Variants in SLC1A2 observed in about 807,000 individuals in gnomAD.
SLC1A2 encodes the protein solute carrier family 1 member 2.
SLC1A2 carries 15 observed loss-of-function variants against 48.8 expected under a neutral mutation model. The observed-to-expected ratio is 0.31, with a 90% CI of 0.21 to 0.47. SLC1A2 has a LOEUF of 0.47. Ranked by LOEUF, SLC1A2 falls within the 20% of genes least tolerant of loss-of-function variation. SLC1A2 has a pLI of 0.99. For synonymous variants in SLC1A2, 279 were observed against 272.6 expected (o/e 1.02, Z -0.23); for missense variants, 502 against 730.5 (o/e 0.69, Z 3.61).
intron 8 of SLC1A2, among the ~76,000 whole-genome samples, chr11:35,285,051 T>C (rs577583574): frequency 6.6e-6 from 1 of 152,192 alleles, no homozygotes; most frequent in East Asian, 1.9e-4. Context: ...CTGCCCGGGG[T>C]TTGAAGTGGG....
chr11:35,364,493 T>C (rs1210755851), intron 1 of SLC1A2, among the ~76,000 whole-genome samples: 2 of 152,258 alleles, frequency 1.3e-5, no homozygotes, highest in Admixed American at 6.5e-5. Flanking sequence ...TGAATGTAAC[T>C]ATCTACCTAA....
chr11:35,294,511 A>G (rs1009531123), intron 6 of SLC1A2, among the ~76,000 whole-genome samples: 12 of 152,196 alleles, frequency 7.9e-5, no homozygotes, highest in Non-Finnish European at 1.8e-4. Context: ...ATTCATTGAG[A>G]CTGTAAATAA....
chr11:35,288,916 T>C (rs1300374789), intron 7 of SLC1A2, among the ~76,000 whole-genome samples: 3 of 152,100 alleles, frequency 2.0e-5, no homozygotes, highest in African/African-American at 7.2e-5. Flanking sequence ...GACAGGCTTT[T>C]TGTCTTAAAA....
In SLC1A2 at chr11:35,317,691, G is replaced by A. The variant is rs566366234; in HGVS notation, c.18-175C>T. Among the ~76,000 whole-genome samples, 3 of 152,312 alleles carry A rather than the reference G, an allele frequency of 2.0e-5. No homozygotes were observed. The South Asian group carries it at 6.2e-4, about 32-fold the overall frequency. ...TAAGCAGGACAGGAGGACACACTGA[G>A]AACTGATGTGGATCCTCCCAGTAAA... On this transcript the variant is annotated intron_variant, in intron 1 of 10. Coordinates refer to ENST00000278379, the MANE Select transcript of SLC1A2 (RefSeq NM_004171.4).
At chr11:35,308,910 T>C (rs1851596722) in intron 4 of SLC1A2, among the ~76,000 whole-genome samples, 1 of 152,186 alleles carries the variant, frequency 6.6e-6, no homozygotes. Context: ...ACCCTATCTA[T>C]ATCCTTAGCT....
chr11:35,300,489 G>A (rs138443405), intron 6 of SLC1A2, among the ~76,000 whole-genome samples: 2 of 152,188 alleles, frequency 1.3e-5, no homozygotes, highest in African/African-American at 4.8e-5. Context: ...AAAGATGCTC[G>A]AGGGAGCCTG....
rs76997383 is a variant in SLC1A2, at chr11:35,355,015, A to C, written c.18-37499T>G. On this transcript the variant is annotated intron_variant, in intron 1 of 10. Coordinates refer to ENST00000278379, the MANE Select transcript of SLC1A2 (RefSeq NM_004171.4). The stretch of plus-strand genomic sequence containing the variant: ...TCCCTTATCCCAATGCTGTTATAAA[A>C]TCAATGGAAACTCCTATAAATGATT... 2.5e-3 allele frequency among the ~76,000 whole-genome samples: 385 copies of C among 152,354 alleles called. 2 individuals carry two copies. The highest frequency in any genetic ancestry group is 4.4e-3 in the Non-Finnish European group (301 of 68,032).
At chr11:35,317,927 G>A (rs181655226) in intron 1 of SLC1A2, among the ~76,000 whole-genome samples, 2 of 152,268 alleles carry the variant, frequency 1.3e-5, no homozygotes, top group African/African-American at 4.8e-5. Flanking sequence ...ACTTTTTCAG[G>A]AGAGTCATAC....
At chr11:35,355,353 C>A (rs1430493131) in intron 1 of SLC1A2, among the ~76,000 whole-genome samples, 1 of 152,216 alleles carries the variant, frequency 6.6e-6, no homozygotes, top group African/African-American at 2.4e-5. Flanking sequence ...ACCCTTCACA[C>A]CCTCCTACTG....
intron 10 of SLC1A2, among the ~76,000 whole-genome samples, chr11:35,264,319 T>C (rs1419017158): frequency 6.6e-6 from 1 of 152,228 alleles, no homozygotes. Flanking sequence ...GTATTTGTAA[T>C]GACCCAGAAG....
rs1382040334 is a variant in SLC1A2 at position 35,332,357 on chromosome 11, G to A, written c.18-14841C>T. On this transcript the variant is annotated intron_variant, in intron 1 of 10. Coordinates refer to ENST00000278379, the MANE Select transcript of SLC1A2 (RefSeq NM_004171.4). ...TCATCCCAAGTGCCTTGGAAGAAAG[G>A]CTTGTTCCTGCTCAACTCGTAAAGT... 2.6e-5 allele frequency among the ~76,000 whole-genome samples: 4 copies of A among 152,182 alleles called. No homozygotes were observed. In the South Asian group the frequency reaches 8.3e-4, roughly 31 times the overall value.
intron 1 of SLC1A2, among the ~76,000 whole-genome samples, chr11:35,365,956 A>G (rs1340480546): frequency 1.3e-5 from 2 of 152,222 alleles, no homozygotes; most frequent in Non-Finnish European, 2.9e-5. Context: ...CCAAGTGGGT[A>G]GAGGACAGGA....
chr11:35,322,541 T>C (rs1852107013), intron 1 of SLC1A2: 26 of 1,423,410 alleles, frequency 1.8e-5, no homozygotes, highest in Non-Finnish European at 2.5e-5. Context: ...GATGTGAGGT[T>C]TGCAATGGGC....
chr11:35,364,268 T>TC (rs946783852), intron 1 of SLC1A2, among the ~76,000 whole-genome samples: 2 of 152,198 alleles, frequency 1.3e-5, no homozygotes, highest in African/African-American at 4.8e-5. Context: ...TGTGCTGCCC[T>TC]CACAAGGCAT....
intron 3 of SLC1A2, among the ~76,000 whole-genome samples, chr11:35,313,667 C>T (rs370105177): frequency 2.4e-4 from 37 of 152,282 alleles, no homozygotes; most frequent in African/African-American, 7.0e-4. Context: ...TAGGTTTCCC[C>T]ACCAAGTTGG....
chr11:35,409,395 A>G (rs1203669335), intron 1 of SLC1A2, among the ~76,000 whole-genome samples: 1 of 152,176 alleles, frequency 6.6e-6, no homozygotes, highest in Non-Finnish European at 1.5e-5. Context: ...AATAATAGCT[A>G]TACTCTTGTT....
intron 5 of SLC1A2, among the ~76,000 whole-genome samples, chr11:35,304,966 A>G (rs148894751): frequency 6.6e-6 from 1 of 152,364 alleles, no homozygotes; most frequent in African/African-American, 2.4e-5. Context: ...TTCAGATGAC[A>G]ACGTGAAAGG....
chr11:35,297,616 T>C (rs914995601), intron 6 of SLC1A2: 1 of 152,176 alleles, frequency 6.6e-6, no homozygotes, highest in Non-Finnish European at 1.5e-5. Flanking sequence ...TTATGAAACA[T>C]TTTACTTTCT....
chr11:35,301,715 C>T, intron 5 of SLC1A2, 70 bp from the exon 6 acceptor site: 1 of 1,468,898 alleles, frequency 6.8e-7, no homozygotes, highest in Non-Finnish European at 9.4e-7. Context: ...TCATTCTTTA[C>T]CATTCCCAAT....
Sources: gnomAD v4.1 joint callset for allele counts (sites outside exome capture counted in the v4.1 genomes callset) on GRCh38, gnomAD v4.1.1 for gene constraint, MANE v1.5 for transcripts, NCBI Gene and HGNC (gene_info 2026-07-23, HGNC 2026-07-21) for gene names.